CDH13: variants seen among roughly 807,000 people sequenced by gnomAD.
CDH13 encodes cadherin 13.
A neutral mutation model predicts 63.8 loss-of-function variants in CDH13; 24 were observed. That is an observed-to-expected ratio of 0.38 (90% CI 0.27 to 0.53). The LOEUF is 0.53. Among genes scored for constraint, CDH13 ranks in the 20% least tolerant of loss-of-function variants. The probability of loss-of-function intolerance (pLI) is 0.85; values close to 1 mark genes in which losing one functional copy is unlikely to be tolerated. For synonymous variants in CDH13, 503 were observed against 355.3 expected, an observed-to-expected ratio of 1.42 and a Z score of -4.67; for missense variants, 1,049 against 903.1, an observed-to-expected ratio of 1.16 and a Z score of -2.07.
intron 4 of CDH13, among the ~76,000 whole-genome samples, chr16:83,191,524 CACACACATATATATAT>C (rs1250692262): frequency 6.0e-5 from 6 of 100,540 alleles, no homozygotes; most frequent in Admixed American, 2.0e-4. Context: ...CACACACACA[CACACACATATATATAT>C]ATATATATAT....
At chr16:83,774,777 C>T (rs956738631) in intron 11 of CDH13, among the ~76,000 whole-genome samples, 3 of 152,092 alleles carry the variant, frequency 2.0e-5, no homozygotes, top group African/African-American at 7.2e-5. Context: ...TGCCAGGGGC[C>T]AGGGGAAGGG....
chr16:83,268,312 A>G (rs1479621157), intron 5 of CDH13, among the ~76,000 whole-genome samples: 1 of 152,240 alleles, frequency 6.6e-6, no homozygotes, highest in Admixed American at 6.5e-5. Context: ...CTGGACAGTT[A>G]CGCTGCTGGT....
chr16:83,213,043 G>A (rs995531822), intron 4 of CDH13, among the ~76,000 whole-genome samples: 1 of 152,152 alleles, frequency 6.6e-6, no homozygotes, highest in Non-Finnish European at 1.5e-5. Context: ...TGAGGAGCAG[G>A]AGGCAGGTTC....
chr16:83,370,360 C>G (rs369898434), intron 6 of CDH13, among the ~76,000 whole-genome samples: 2 of 150,590 alleles, frequency 1.3e-5, no homozygotes, highest in African/African-American at 2.5e-5. Flanking sequence ...TGCACTCCAG[C>G]CTGGGTAACA....
At chr16:83,422,281 TC>T (rs1372422185) in intron 6 of CDH13, among the ~76,000 whole-genome samples, 2 of 152,194 alleles carry the variant, frequency 1.3e-5, no homozygotes, top group Non-Finnish European at 2.9e-5. Flanking sequence ...ATATTAATAC[TC>T]ATCCAAAGAA....
At chr16:83,014,379 T>A (rs1914474359) in intron 2 of CDH13, among the ~76,000 whole-genome samples, 1 of 151,372 alleles carries the variant, frequency 6.6e-6, no homozygotes, top group African/African-American at 2.4e-5. Context: ...GACGTTTCAT[T>A]TGAATCAGCA....
chr16:83,197,682 G>A (rs1446482167), intron 4 of CDH13, among the ~76,000 whole-genome samples: 2 of 152,112 alleles, frequency 1.3e-5, no homozygotes, highest in Non-Finnish European at 2.9e-5. Flanking sequence ...ATCCCAGTGG[G>A]GATGGAATGG....
intron 7 of CDH13, among the ~76,000 whole-genome samples, chr16:83,540,315 C>T (rs949340874): frequency 5.9e-5 from 9 of 152,146 alleles, no homozygotes; most frequent in African/African-American, 1.7e-4. Context: ...CGACAAACTG[C>T]GTCTGCTGCC....
intron 7 of CDH13, among the ~76,000 whole-genome samples, chr16:83,517,969 T>A (rs181310960): frequency 6.6e-6 from 1 of 152,244 alleles, no homozygotes; most frequent in African/African-American, 2.4e-5. Flanking sequence ...ATGAAGTGAC[T>A]AACCCCAGTG....
At chr16:83,740,690 C>A (rs1911976274) in intron 10 of CDH13, among the ~76,000 whole-genome samples, 1 of 152,094 alleles carries the variant, frequency 6.6e-6, no homozygotes, top group East Asian at 1.9e-4. Context: ...GAAGGGGATC[C>A]AGGGAAGGGA....
intron 1 of CDH13, among the ~76,000 whole-genome samples, chr16:82,721,624 T>C (rs1257950994): frequency 6.6e-6 from 1 of 152,174 alleles, no homozygotes; most frequent in African/African-American, 2.4e-5. Context: ...AATTAAAAGA[T>C]GAACCATAGG....
intron 1 of CDH13, among the ~76,000 whole-genome samples, chr16:82,831,622 T>C (rs1155970): frequency 0.28 from 42,640 of 151,882 alleles, 6,574 homozygotes; most frequent in Middle Eastern, 0.35. Flanking sequence ...CAAATCAATA[T>C]CCAAAAAATA....
intron 2 of CDH13, among the ~76,000 whole-genome samples, chr16:82,905,523 T>G (rs1284940331): frequency 6.6e-6 from 1 of 151,886 alleles, no homozygotes; most frequent in African/African-American, 2.4e-5. Context: ...GAGAACTTCC[T>G]GAACAAAAAT....
intron 7 of CDH13, among the ~76,000 whole-genome samples, chr16:83,514,597 A>T (rs534340484): frequency 6.6e-6 from 1 of 152,286 alleles, no homozygotes; most frequent in South Asian, 2.1e-4. Context: ...GTAAGCCAAG[A>T]TCATACCACT....
intron 6 of CDH13, among the ~76,000 whole-genome samples, chr16:83,456,516 G>C (rs2073029358): frequency 6.6e-6 from 1 of 152,192 alleles, no homozygotes; most frequent in South Asian, 2.1e-4. Context: ...TTTGCCCTTT[G>C]TGGGTTCAGA....
intron 6 of CDH13, among the ~76,000 whole-genome samples, chr16:83,437,664 A>G (rs1456008645): frequency 6.6e-6 from 1 of 152,084 alleles, no homozygotes; most frequent in East Asian, 1.9e-4. Context: ...GAGACAGAGC[A>G]AGATCCTGTT....
At chr16:82,902,446 C>A (rs956551515) in intron 2 of CDH13, among the ~76,000 whole-genome samples, 7 of 151,358 alleles carry the variant, frequency 4.6e-5, no homozygotes, top group African/African-American at 1.7e-4. Flanking sequence ...ATACATTGGT[C>A]TTTGACAAGC....
At chr16:83,088,382 T>C (rs952231082) in intron 3 of CDH13, among the ~76,000 whole-genome samples, 3 of 152,236 alleles carry the variant, frequency 2.0e-5, no homozygotes, top group African/African-American at 4.8e-5. Flanking sequence ...TGACATTCTT[T>C]GGACGCAATT....
chr16:82,804,086 G>T (rs2037014739), intron 1 of CDH13, among the ~76,000 whole-genome samples: 1 of 144,694 alleles, frequency 6.9e-6, no homozygotes, highest in African/African-American at 2.7e-5. Context: ...AAATTAGCTG[G>T]GCGTGGTGGT....
Sources: allele counts gnomAD v4.1 joint callset (sites outside exome capture counted in the v4.1 genomes callset), GRCh38; gene constraint gnomAD v4.1.1; transcripts MANE v1.5; gene names NCBI Gene and HGNC (gene_info 2026-07-23, HGNC 2026-07-21).